Variants in SCAPER observed in about 807,000 individuals in gnomAD.
The protein encoded by SCAPER is S phase cyclin A-associated protein in the endoplasmic reticulum.
Under a neutral mutation model 182.2 loss-of-function variants are expected in SCAPER, and 98 were observed. The ratio of observed to expected loss-of-function variants is 0.54; its 90% CI spans 0.46 to 0.64. The LOEUF is 0.64. SCAPER is among the 30% of genes least tolerant of loss of function. The pLI, the probability that SCAPER is intolerant of heterozygous loss-of-function variation, is 0.00. For missense variants in SCAPER, 1,432 were observed against 1,690.0 expected, an observed-to-expected ratio of 0.85 and a Z score of 2.68; for synonymous variants, 605 against 564.6, an observed-to-expected ratio of 1.07 and a Z score of -1.01.
chr15:76,645,388 A>G (rs2054460432), intron 21 of SCAPER, among the ~76,000 whole-genome samples: 1 of 152,174 alleles, frequency 6.6e-6, no homozygotes, highest in Non-Finnish European at 1.5e-5. Context: ...TTAGTTACCT[A>G]AACTTTTATC....
chr15:76,652,665 C>T (rs1393732232), intron 21 of SCAPER, among the ~76,000 whole-genome samples: 1 of 150,542 alleles, frequency 6.6e-6, no homozygotes, highest in Non-Finnish European at 1.5e-5. Context: ...GAGCCAAGAT[C>T]GTACCATTGC....
intron 23 of SCAPER, among the ~76,000 whole-genome samples, 197 bp downstream of exon 23, chr15:76,573,960 TA>T (rs905680903): frequency 1.3e-5 from 2 of 149,320 alleles, no homozygotes; most frequent in Non-Finnish European, 3.0e-5. Context: ...GGACTTCAAT[TA>T]AAAAAAAACC....
intron 5 of SCAPER, among the ~76,000 whole-genome samples, chr15:76,826,703 C>T (rs2068051126): frequency 6.6e-6 from 1 of 152,040 alleles, no homozygotes; most frequent in East Asian, 1.9e-4. Context: ...AAAACTGTGG[C>T]ATTTAAATCA....
At chr15:76,415,913 T>C (rs1004686359) in intron 26 of SCAPER, among the ~76,000 whole-genome samples, 4 of 152,212 alleles carry the variant, frequency 2.6e-5, no homozygotes, top group African/African-American at 9.6e-5. Context: ...CACAGATATC[T>C]ATAATTTTAT....
intron 20 of SCAPER, among the ~76,000 whole-genome samples, chr15:76,683,766 A>G (rs2057871109): frequency 6.6e-6 from 1 of 152,136 alleles, no homozygotes; most frequent in South Asian, 2.1e-4. Flanking sequence ...GGGGGTCTAC[A>G]TTCAGCATTC....
At chr15:76,404,168 G>A (rs2142140364) in intron 27 of SCAPER, among the ~76,000 whole-genome samples, 1 of 151,786 alleles carries the variant, frequency 6.6e-6, no homozygotes, top group East Asian at 1.9e-4. Flanking sequence ...ACTGTGTAGG[G>A]CTGACGGCTT....
chr15:76,820,343 T>G (rs1025925925), intron 5 of SCAPER, among the ~76,000 whole-genome samples: 8 of 152,082 alleles, frequency 5.3e-5, no homozygotes, highest in Non-Finnish European at 1.2e-4. Context: ...CCAACCCAAA[T>G]GTCCAACAAG....
intron 2 of SCAPER, among the ~76,000 whole-genome samples, chr15:76,880,997 G>A (rs770132524): frequency 6.6e-6 from 1 of 152,146 alleles, no homozygotes; most frequent in Non-Finnish European, 1.5e-5. Context: ...CACTATGACA[G>A]TTCCTCCAAA....
intron 24 of SCAPER, among the ~76,000 whole-genome samples, chr15:76,491,828 C>T (rs2052346007): frequency 1.3e-5 from 2 of 152,110 alleles, no homozygotes. Context: ...GACGGGGTTT[C>T]ACTATGTTGG....
intron 26 of SCAPER, among the ~76,000 whole-genome samples, chr15:76,423,813 T>A (rs1164468017): frequency 6.6e-6 from 1 of 152,228 alleles, no homozygotes; most frequent in African/African-American, 2.4e-5. Context: ...GATTCTGGTA[T>A]GTTTTGTCTT....
intron 24 of SCAPER, among the ~76,000 whole-genome samples, chr15:76,489,555 C>T (rs996442585): frequency 8.6e-5 from 13 of 151,934 alleles, no homozygotes; most frequent in African/African-American, 3.1e-4. Flanking sequence ...GCTTTTTTCA[C>T]TTAGCACAAT....
At chr15:76,838,100 CAT>C (rs2069115142) in intron 5 of SCAPER, among the ~76,000 whole-genome samples, 3 of 152,164 alleles carry the variant, frequency 2.0e-5, no homozygotes, top group Admixed American at 2.0e-4. Flanking sequence ...TATATGCACA[CAT>C]ATGTTCACTG....
At chr15:76,708,732 T>C (rs866174724) in intron 17 of SCAPER, among the ~76,000 whole-genome samples, 2 of 152,160 alleles carry the variant, frequency 1.3e-5, no homozygotes, top group South Asian at 4.1e-4. Context: ...TTAGCTAGAC[T>C]AATAAGAAAG....
At position 76,592,602 on chromosome 15, in the gene SCAPER, C is replaced by T. The variant is rs1412445352; in HGVS notation, c.2712-18318G>A. 2.4e-5 allele frequency among the ~76,000 whole-genome samples: 3 copies of T among 122,838 alleles called. 1 individual carries two copies. Among genetic ancestry groups the T allele is most frequent in the Non-Finnish European group, 6.0e-5 (3 of 50,370 alleles). The allele number at this position is 122,838 out of a possible 152,430, so 80.6% of individuals were successfully genotyped here. A position where few individuals can be genotyped will look rare whatever the true frequency, so the allele number is the denominator to read the frequency against. On this transcript the variant is annotated intron_variant, in intron 22 of 31. Coordinates refer to ENST00000563290, the MANE Select transcript of SCAPER (RefSeq NM_020843.4). ...CAACGCAGAAGGCAGGTGATTTCTG[C>T]ATTTCCAACTGAGGTACCTGGCTCA... is the stretch of plus-strand genomic sequence containing the variant.
chr15:76,639,658 T>C (rs1015379806), intron 21 of SCAPER, among the ~76,000 whole-genome samples: 3 of 152,166 alleles, frequency 2.0e-5, no homozygotes, highest in African/African-American at 4.8e-5. Flanking sequence ...GTAAAGATTA[T>C]GAGGACTTAC....
chr15:76,442,488 T>C (rs2047684057), intron 25 of SCAPER, among the ~76,000 whole-genome samples: 1 of 152,230 alleles, frequency 6.6e-6, no homozygotes, highest in African/African-American at 2.4e-5. Flanking sequence ...CCTGAGTCTC[T>C]CTCATTCTAT....
chr15:76,667,386 A>G lies in SCAPER; in HGVS notation c.2509-1597T>C, dbSNP rs551591487. On this transcript the variant is annotated intron_variant, in intron 20 of 31. Transcript: ENST00000563290. ...CTAAATGTTGAAGCATCCCAGAGCTATACTCAGAGCTTTCTTCTTCTCTAT... is the reference window on the plus strand; with the variant it reads ...CTAAATGTTGAAGCATCCCAGAGCTGTACTCAGAGCTTTCTTCTTCTCTAT... Among the ~76,000 whole-genome samples the G allele has an allele frequency of 1.4e-4, 21 of 152,224 alleles. No homozygotes were observed. In the South Asian group the frequency reaches 4.1e-3, roughly 30 times the overall value.
chr15:76,421,799 T>G (rs2046065076), intron 26 of SCAPER, among the ~76,000 whole-genome samples: 1 of 152,218 alleles, frequency 6.6e-6, no homozygotes, highest in African/African-American at 2.4e-5. Flanking sequence ...AAGTTTTGTA[T>G]AAGGTGTAAG....
At chr15:76,816,745 C>A (rs1238487677) in intron 5 of SCAPER, among the ~76,000 whole-genome samples, 2 of 151,788 alleles carry the variant, frequency 1.3e-5, no homozygotes, top group African/African-American at 2.4e-5. Context: ...CTCCACCTCC[C>A]AGGTTCACAC....
Sources: allele counts gnomAD v4.1 joint callset (sites outside exome capture counted in the v4.1 genomes callset), GRCh38; gene constraint gnomAD v4.1.1; transcripts MANE v1.5; gene names NCBI Gene and HGNC (gene_info 2026-07-23, HGNC 2026-07-21).